ZCCHC7: variants seen among roughly 807,000 people sequenced by gnomAD.
The protein encoded by ZCCHC7 is zinc finger CCHC-type containing 7, also known as zinc finger CCHC domain-containing protein 7.
A neutral mutation model predicts 52.0 loss-of-function variants in ZCCHC7; 35 were observed. That is an observed-to-expected ratio of 0.67 (90% CI 0.51 to 0.89). The LOEUF (loss-of-function observed/expected upper bound fraction) is 0.89, where lower values mean the gene tolerates loss of function less well. Ranked by LOEUF, ZCCHC7 falls within the 40% of genes least tolerant of loss-of-function variation. ZCCHC7 has a pLI of 0.00. For synonymous variants in ZCCHC7, 217 were observed against 221.5 expected (o/e 0.98, Z 0.18); for missense variants, 574 against 649.1 (o/e 0.88, Z 1.26).
At chr9:37,211,019 C>T (rs1011930334) in intron 2 of ZCCHC7, among the ~76,000 whole-genome samples, 3 of 152,128 alleles carry the variant, frequency 2.0e-5, no homozygotes, top group African/African-American at 4.8e-5. Context: ...TTCCTTCTGC[C>T]AGGAATGCTA....
intron 2 of ZCCHC7, among the ~76,000 whole-genome samples, chr9:37,161,152 G>A (rs1284399404): frequency 6.6e-6 from 1 of 151,846 alleles, no homozygotes; most frequent in Admixed American, 6.6e-5. Flanking sequence ...GTTTCATTAT[G>A]TTGGCCAGAC....
At chr9:37,159,640 C>G (rs1486392957) in intron 2 of ZCCHC7, among the ~76,000 whole-genome samples, 1 of 152,110 alleles carries the variant, frequency 6.6e-6, no homozygotes, top group African/African-American at 2.4e-5. Flanking sequence ...CTCCCAAGCG[C>G]TGAAGATACT....
chr9:37,228,877 CT>C, intron 2 of ZCCHC7, among the ~76,000 whole-genome samples: 1 of 149,482 alleles, frequency 6.7e-6, no homozygotes, highest in Non-Finnish European at 1.5e-5. Flanking sequence ...ACTCTGTCGC[CT>C]GGGCTAAAGT....
chr9:37,132,577 A>G (rs967249207), intron 2 of ZCCHC7, among the ~76,000 whole-genome samples: 4 of 152,142 alleles, frequency 2.6e-5, no homozygotes, highest in Non-Finnish European at 5.9e-5. Context: ...GTATGCATGT[A>G]TACACATTTG....
chr9:37,207,393 T>C (rs997253569), intron 2 of ZCCHC7, among the ~76,000 whole-genome samples: 1 of 152,100 alleles, frequency 6.6e-6, no homozygotes, highest in African/African-American at 2.4e-5. Flanking sequence ...CTTTCAAGAT[T>C]ATTTCTGTAT....
At chr9:37,317,747 A>G (rs1280295854) in intron 5 of ZCCHC7, among the ~76,000 whole-genome samples, 1 of 152,170 alleles carries the variant, frequency 6.6e-6, no homozygotes, top group Non-Finnish European at 1.5e-5. Flanking sequence ...ATAAAGAATG[A>G]GAAAAATCAG....
At chr9:37,266,985 G>A (rs1827134612) in intron 2 of ZCCHC7, among the ~76,000 whole-genome samples, 1 of 152,156 alleles carries the variant, frequency 6.6e-6, no homozygotes, top group Non-Finnish European at 1.5e-5. Flanking sequence ...AAGTTTTTCT[G>A]TATAAATGGT....
At chr9:37,212,355 G>A (rs1243236888) in intron 2 of ZCCHC7, among the ~76,000 whole-genome samples, 1 of 151,956 alleles carries the variant, frequency 6.6e-6, no homozygotes. Flanking sequence ...GTTTGTACAG[G>A]CATACTGATT....
intron 2 of ZCCHC7, among the ~76,000 whole-genome samples, chr9:37,132,722 A>T (rs1266513513): frequency 6.6e-6 from 1 of 152,254 alleles, no homozygotes; most frequent in Admixed American, 6.5e-5. Context: ...TAACCTATTT[A>T]CATCCTCTCG....
chr9:37,320,297 C>T (rs966468944), intron 5 of ZCCHC7, among the ~76,000 whole-genome samples: 2 of 152,092 alleles, frequency 1.3e-5, no homozygotes, highest in African/African-American at 2.4e-5. Flanking sequence ...AGGCTGGTCT[C>T]GAACTCCTAA....
intron 2 of ZCCHC7, among the ~76,000 whole-genome samples, chr9:37,182,003 G>A (rs1316941710): frequency 1.3e-5 from 2 of 152,012 alleles, no homozygotes; most frequent in East Asian, 3.9e-4. Flanking sequence ...GATTTTTATG[G>A]TGTGTGAATT....
Position 37,305,676 on chromosome 9 carries a change from C to T in ZCCHC7, c.913C>T (p.Gln305Ter), listed in dbSNP as rs1424505539. The change falls in exon 5 of 9, where the codon CAG becomes TAG. Residue 305 changes from glutamine to a stop codon, truncating the protein, a stop_gained. Transcript: ENST00000336755. LOFTEE classifies it high-confidence loss of function. ...SCLFRHSWDK[Q>*]CDRCHMLGHY... The stretch of plus-strand genomic sequence containing the variant: ...TCTTTTCAGACATTCCTGGGATAAA[C>T]AGTGTGACCGATGTCATATGCTAGG... The T allele has an allele frequency of 6.2e-7, 1 of 1,614,086 alleles. No individual in the cohort carries two copies. Among genetic ancestry groups the T allele is most frequent in the Non-Finnish European group, 8.5e-7 (1 of 1,180,004 alleles).
chr9:37,303,655 C>CTTTTTTTTTTTTTT lies in ZCCHC7; in HGVS notation c.655-521_655-508dup, dbSNP rs74182940. Among the ~76,000 whole-genome samples the CTTTTTTTTTTTTTT allele has an allele frequency of 2.1e-4, 12 of 56,756 alleles. 1 individual carries two copies. The highest frequency in any genetic ancestry group is 7.1e-4 in the African/African-American group (9 of 12,664). 37.2% of individuals were successfully genotyped at this position (56,756 alleles called of 152,430 possible). A position where few individuals can be genotyped will look rare whatever the true frequency, so the allele number is the denominator to read the frequency against. ...CACCTCCTTTTATGTTTTTCTACCT[C>CTTTTTTTTTTTTTT]TTTTTTTTTTTTTTTTTTTTTTTTT... On this transcript the variant is annotated intron_variant, in intron 3 of 8. Transcript: ENST00000336755.
intron 2 of ZCCHC7, among the ~76,000 whole-genome samples, chr9:37,293,174 C>G (rs912739827): frequency 2.6e-4 from 40 of 152,002 alleles, no homozygotes. Context: ...ATCCTGTAAA[C>G]AGTTTGAAGT....
At chr9:37,243,870 A>G (rs1825972901) in intron 2 of ZCCHC7, among the ~76,000 whole-genome samples, 1 of 151,892 alleles carries the variant, frequency 6.6e-6, no homozygotes, top group African/African-American at 2.4e-5. Flanking sequence ...GTTAATTCAC[A>G]AAGAGCATCG....
At chr9:37,162,616 C>G (rs1307030989) in intron 2 of ZCCHC7, among the ~76,000 whole-genome samples, 1 of 152,200 alleles carries the variant, frequency 6.6e-6, no homozygotes. Flanking sequence ...TTTATCCATT[C>G]ACTTATTGAT....
At chr9:37,348,013 T>C (rs986448306) in intron 6 of ZCCHC7, among the ~76,000 whole-genome samples, 1 of 152,144 alleles carries the variant, frequency 6.6e-6, no homozygotes, top group African/African-American at 2.4e-5. Flanking sequence ...GTCTTCAGGG[T>C]TCCTTCCTCA....
At chr9:37,191,702 CCT>C (rs1414413400) in intron 2 of ZCCHC7, among the ~76,000 whole-genome samples, 2 of 152,108 alleles carry the variant, frequency 1.3e-5, no homozygotes, top group Non-Finnish European at 2.9e-5. Context: ...GCTGTTTAAC[CCT>C]CTGTTAATGA....
chr9:37,234,160 C>T (rs560691691), intron 2 of ZCCHC7, among the ~76,000 whole-genome samples: 6 of 152,290 alleles, frequency 3.9e-5, no homozygotes, highest in Admixed American at 2.0e-4. Context: ...TCAGCCACCA[C>T]GCCCGGCCAG....
Sources: allele counts gnomAD v4.1 joint callset (sites outside exome capture counted in the v4.1 genomes callset), GRCh38; gene constraint gnomAD v4.1.1; transcripts MANE v1.5; gene names NCBI Gene and HGNC (gene_info 2026-07-23, HGNC 2026-07-21).